The following GLRX3 variants were observed in gnomAD, a reference collection of about 807,000 sequenced individuals.
GLRX3 encodes glutaredoxin 3, also known as glutaredoxin-3.
In GLRX3, 22 loss-of-function variants were observed where a neutral mutation model predicts 49.5. That is an observed-to-expected ratio of 0.44 (90% CI 0.32 to 0.63). The LOEUF (loss-of-function observed/expected upper bound fraction) is 0.63, where lower values mean the gene tolerates loss of function less well. Among genes scored for constraint, GLRX3 ranks in the 30% least tolerant of loss-of-function variants. The probability of loss-of-function intolerance (pLI) is 0.05; values close to 1 mark genes in which losing one functional copy is unlikely to be tolerated. For missense variants in GLRX3, 385 were observed against 396.3 expected (o/e 0.97, Z 0.24); for synonymous variants, 133 against 140.0 (o/e 0.95, Z 0.35).
chr10:130,146,400 G>C (rs941875366), intron 2 of GLRX3, among the ~76,000 whole-genome samples: 10 of 152,190 alleles, frequency 6.6e-5, no homozygotes, highest in Non-Finnish European at 1.3e-4. Flanking sequence ...TCAGAATGTA[G>C]AGGAAGATGG....
At chr10:130,144,122 A>G (rs560299367) in intron 1 of GLRX3, among the ~76,000 whole-genome samples, 3 of 152,282 alleles carry the variant, frequency 2.0e-5, no homozygotes, top group East Asian at 1.9e-4. Context: ...TGCTGTTTCT[A>G]TGGTCACGGT....
intron 4 of GLRX3, among the ~76,000 whole-genome samples, chr10:130,161,826 T>C (rs1305858418): frequency 6.6e-6 from 1 of 152,198 alleles, no homozygotes; most frequent in Non-Finnish European, 1.5e-5. Context: ...ACATTGAGTA[T>C]GCTCTTGATA....
chr10:130,157,804 C>T (rs982432872), intron 2 of GLRX3, among the ~76,000 whole-genome samples: 10 of 152,044 alleles, frequency 6.6e-5, no homozygotes, highest in Non-Finnish European at 1.3e-4. Context: ...CAGGGTAGGT[C>T]GCCCATGAAT....
At chr10:130,147,190 AG>A in intron 2 of GLRX3, among the ~76,000 whole-genome samples, 1 of 152,358 alleles carries the variant, frequency 6.6e-6, no homozygotes, top group South Asian at 2.1e-4. Context: ...AAATAATAGA[AG>A]GGGGCATTAA....
Position 130,171,617 on chromosome 10 carries a change from G to A in GLRX3, c.805G>A (p.Glu269Lys), listed in dbSNP as rs1590072883. The A allele has an allele frequency of 6.5e-7, 1 of 1,547,338 alleles. No homozygotes were observed. The highest frequency in any genetic ancestry group is 8.9e-7 in the Non-Finnish European group (1 of 1,119,402). The change falls in exon 8 of 11, where the codon GAA becomes AAA. Residue 269 changes from glutamate (E) to lysine (K), a missense_variant. Around this residue, in one of 2 missense-constraint regions of GLRX3, gnomAD observed 374 missense variants for 358.6 expected, o/e 1.04. Coordinates refer to ENST00000331244, the MANE Select transcript of GLRX3 (RefSeq NM_006541.5). ...ATGTGGATTCAGCAAACAAATTCTG[G>A]AAATACTAAATAGTACTGGGTATGT... ...AKCGFSKQIL[E>K]ILNSTGVEYE...
chr10:130,144,470 C>T (rs889705157), intron 1 of GLRX3, among the ~76,000 whole-genome samples: 1 of 151,990 alleles, frequency 6.6e-6, no homozygotes, highest in Non-Finnish European at 1.5e-5. Flanking sequence ...CCCCCCACCC[C>T]CTGACAGGCC....
At chr10:130,169,376 G>A (rs16910163) in intron 6 of GLRX3, 57 bp from the exon 7 acceptor site, 56,493 of 1,028,754 alleles carry the variant, frequency 0.055, 2,395 homozygotes, top group African/African-American at 0.19. Context: ...CGAAGCGGAG[G>A]AAAAGTGGTG....
chr10:130,163,601 A>G (rs1160684962), intron 4 of GLRX3, among the ~76,000 whole-genome samples: 1 of 152,010 alleles, frequency 6.6e-6, no homozygotes, highest in Non-Finnish European at 1.5e-5. Flanking sequence ...GTTTCCTGAT[A>G]TTTTCTGTTT....
rs753038200 is a variant in GLRX3, at chr10:130,166,491, CT to C, written c.479-9del. 2.5e-6 allele frequency: 4 copies of C among 1,602,044 alleles called. No homozygotes were observed. Among genetic ancestry groups the C allele is most frequent in the Non-Finnish European group, 1.7e-6 (2 of 1,170,106 alleles). On this transcript the variant is annotated splice_polypyrimidine_tract_variant and intron_variant, in intron 4 of 10. Transcript: ENST00000331244. ...GAGAGAGAAGTTAAGTGCTTTATTT[CT>C]TTTTTTGTGTACAGGTTTCAGCAAG...
At chr10:130,173,716 T>G (rs1292661309) in intron 8 of GLRX3, among the ~76,000 whole-genome samples, 1 of 152,224 alleles carries the variant, frequency 6.6e-6, no homozygotes, top group African/African-American at 2.4e-5. Context: ...TAGTTCAACT[T>G]GAACAAAGAC....
chr10:130,137,662 C>T (rs1407223029), intron 1 of GLRX3, among the ~76,000 whole-genome samples: 1 of 152,202 alleles, frequency 6.6e-6, no homozygotes, highest in Non-Finnish European at 1.5e-5. Flanking sequence ...ATGCAGGAAG[C>T]ACTCAGTAGA....
In GLRX3 at chr10:130,160,003, T is replaced by A. The variant is rs937141708; in HGVS notation, c.210T>A (p.Ala70=). The change falls in exon 3 of 11, where the codon GCT becomes GCA. Residue 70 remains alanine (A), a synonymous_variant. Transcript: ENST00000331244. ...ATTCTTTTATTTTAAAGTTGGAAGC[T>A]GAAGGTGTTCCTGAAGTATCTGAAA... ...LPQVSFVKLE[A]EGVPEVSEKY... is the part of the protein sequence containing the mutation. 1 of 1,583,426 alleles carries A rather than the reference T, an allele frequency of 6.3e-7. No homozygotes were observed. Among genetic ancestry groups the A allele is most frequent in the African/African-American group, 1.3e-5 (1 of 74,314 alleles).
chr10:130,156,870 G>A (rs568922427), intron 2 of GLRX3, among the ~76,000 whole-genome samples: 148 of 152,290 alleles, frequency 9.7e-4, no homozygotes, highest in African/African-American at 3.5e-3. Context: ...TTTTGGAAAT[G>A]TTCATGTTTG....
intron 1 of GLRX3, among the ~76,000 whole-genome samples, chr10:130,142,865 TCTC>T (rs935146279): frequency 2.5e-4 from 38 of 152,126 alleles, no homozygotes; most frequent in African/African-American, 8.7e-4. Context: ...ATAAGTTCCT[TCTC>T]CTCCATCTGT....
chr10:130,154,640 T>G (rs571599189), intron 2 of GLRX3, among the ~76,000 whole-genome samples: 14 of 152,246 alleles, frequency 9.2e-5, no homozygotes, highest in Admixed American at 9.2e-4. Context: ...TGTTCCTGAA[T>G]AGCAGGTTTA....
At chr10:130,160,734 G>T in intron 3 of GLRX3, 62 bp from the exon 4 acceptor site, 2 of 945,468 alleles carry the variant, frequency 2.1e-6, no homozygotes, top group Non-Finnish European at 3.5e-6. Context: ...TTAAAAATCT[G>T]CTATAACAAT....
Position 130,160,042 on chromosome 10 carries a change from C to T in GLRX3, c.249C>T (p.Ser83=), listed in dbSNP as rs751180665. 2.5e-6 allele frequency: 4 copies of T among 1,600,662 alleles called. No individual in the cohort carries two copies. In the African/African-American group the frequency reaches 4.0e-5, roughly 16 times the overall value. Residue 83 remains serine (S), a synonymous_variant, in exon 3 of 11, where the codon AGC becomes AGT. Coordinates refer to ENST00000331244, the MANE Select transcript of GLRX3 (RefSeq NM_006541.5). ...VPEVSEKYEI[S]SVPTFLFFKN... ...AAGTATCTGAAAAATATGAAATTAG[C>T]TCTGTTCCCACTTTTCTGTTTTTCA... is the stretch of plus-strand genomic sequence containing the variant.
intron 10 of GLRX3, among the ~76,000 whole-genome samples, chr10:130,177,366 G>A (rs1372283745): frequency 6.6e-6 from 1 of 152,284 alleles, no homozygotes; most frequent in East Asian, 1.9e-4. Flanking sequence ...AGAAGATTTG[G>A]TTAGGTTTAG....
intron 4 of GLRX3, 38 bp downstream of exon 4, chr10:130,161,035 G>T (rs779279756): frequency 4.8e-6 from 7 of 1,451,930 alleles, no homozygotes; most frequent in Non-Finnish European, 6.8e-6. Context: ...AACAAAATGG[G>T]TGCTTTCCCA....
Sources: allele counts gnomAD v4.1 joint callset (sites outside exome capture counted in the v4.1 genomes callset), GRCh38; gene constraint gnomAD v4.1.1; regional missense constraint gnomAD v4.1.1; transcripts MANE v1.5; gene names NCBI Gene and HGNC (gene_info 2026-07-23, HGNC 2026-07-21).